The following GRM7 variants were observed in gnomAD, a reference collection of about 807,000 sequenced individuals.
GRM7 encodes glutamate metabotropic receptor 7.
Under a neutral mutation model 84.5 loss-of-function variants are expected in GRM7, and 35 were observed. The ratio of observed to expected loss-of-function variants is 0.41; its 90% CI spans 0.32 to 0.55. The LOEUF is 0.55. Among genes scored for constraint, GRM7 ranks in the 20% least tolerant of loss-of-function variants. The pLI, the probability that GRM7 is intolerant of heterozygous loss-of-function variation, is 0.19. For synonymous variants in GRM7, 487 were observed against 455.1 expected (o/e 1.07, Z -0.89); for missense variants, 1,003 against 1,194.6 (o/e 0.84, Z 2.36).
intron 5 of GRM7, among the ~76,000 whole-genome samples, chr3:7,417,572 A>G (rs1377418935): frequency 6.6e-6 from 1 of 152,138 alleles, no homozygotes; most frequent in Non-Finnish European, 1.5e-5. Context: ...TAGAAAGGGC[A>G]CCCAGATGAG....
At chr3:7,289,097 G>A (rs553110507) in intron 2 of GRM7, among the ~76,000 whole-genome samples, 2 of 152,178 alleles carry the variant, frequency 1.3e-5, no homozygotes, top group South Asian at 4.1e-4. Context: ...GTCCAAGGAT[G>A]CACAGTGGGA....
intron 7 of GRM7, among the ~76,000 whole-genome samples, chr3:7,494,452 T>C (rs1025676623): frequency 1.3e-5 from 2 of 152,228 alleles, no homozygotes; most frequent in Non-Finnish European, 2.9e-5. Flanking sequence ...TTTAGATTTA[T>C]CCTTTTGGAG....
intron 2 of GRM7, among the ~76,000 whole-genome samples, chr3:7,154,247 G>A (rs937446649): frequency 6.6e-6 from 1 of 152,126 alleles, no homozygotes; most frequent in Non-Finnish European, 1.5e-5. Context: ...GTTTCTCTGG[G>A]TTGGAAAGTC....
rs145742463 is a variant in GRM7 at position 7,383,030 on chromosome 3, G to A, written c.1034-31993G>A. ...CCATGTGTTTGTATTGATTTTTCTC[G>A]TGCTCCTTAGCGAGTGATCCTGAAT... is the stretch of plus-strand genomic sequence containing the variant. On this transcript the variant is annotated intron_variant, in intron 4 of 9. Coordinates refer to ENST00000357716, the MANE Select transcript of GRM7 (RefSeq NM_000844.4). Among the ~76,000 whole-genome samples, 457 of 152,128 alleles carry A rather than the reference G, an allele frequency of 3.0e-3. 4 individuals carry two copies. Among genetic ancestry groups the A allele is most frequent in the South Asian group, 0.022 (107 of 4,814 alleles).
At chr3:7,609,788 G>A (rs1389455794) in intron 8 of GRM7, among the ~76,000 whole-genome samples, 1 of 151,980 alleles carries the variant, frequency 6.6e-6, no homozygotes, top group East Asian at 1.9e-4. Context: ...TGGAGTGAGT[G>A]GTAAATTTAA....
At chr3:7,394,020 C>A (rs1293617830) in intron 4 of GRM7, among the ~76,000 whole-genome samples, 1 of 152,062 alleles carries the variant, frequency 6.6e-6, no homozygotes, top group Non-Finnish European at 1.5e-5. Flanking sequence ...CTTTACCATA[C>A]AATTATTATG....
intron 7 of GRM7, among the ~76,000 whole-genome samples, chr3:7,477,329 A>G (rs1698962036): frequency 6.6e-6 from 1 of 152,160 alleles, no homozygotes; most frequent in Non-Finnish European, 1.5e-5. Context: ...CTAAAGCTCC[A>G]TCTTGTCTAA....
intron 1 of GRM7, among the ~76,000 whole-genome samples, chr3:7,048,330 G>C (rs1696873560): frequency 6.6e-6 from 1 of 151,690 alleles, no homozygotes; most frequent in African/African-American, 2.4e-5. Context: ...TTTCTTGGTT[G>C]TTGCAATTTT....
At chr3:7,159,046 A>G (rs1402763349) in intron 2 of GRM7, among the ~76,000 whole-genome samples, 3 of 152,186 alleles carry the variant, frequency 2.0e-5, no homozygotes, top group Non-Finnish European at 1.5e-5. Context: ...TGAAGCTTAC[A>G]CTAATTCTGC....
At chr3:6,947,097 C>G (rs540157686) in intron 1 of GRM7, among the ~76,000 whole-genome samples, 3,355 of 151,790 alleles carry the variant, frequency 0.022, 54 homozygotes, top group Non-Finnish European at 0.032. Context: ...ATGTTGAATA[C>G]GAGTGGTGAG....
chr3:7,530,925 T>A (rs749537168), intron 7 of GRM7, among the ~76,000 whole-genome samples: 11 of 152,216 alleles, frequency 7.2e-5, no homozygotes, highest in Non-Finnish European at 1.0e-4. Flanking sequence ...TAGTTTCTTC[T>A]GCTGTGTAGA....
intron 8 of GRM7, among the ~76,000 whole-genome samples, chr3:7,679,697 C>T (rs1433219109): frequency 6.6e-6 from 1 of 152,134 alleles, no homozygotes; most frequent in Non-Finnish European, 1.5e-5. Flanking sequence ...TAAAACCTAA[C>T]CACACCTTAA....
intron 2 of GRM7, among the ~76,000 whole-genome samples, chr3:7,237,167 C>T (rs1697375809): frequency 6.6e-6 from 1 of 152,130 alleles, no homozygotes; most frequent in Non-Finnish European, 1.5e-5. Flanking sequence ...GTCATTGTGG[C>T]AGTGCCAGAA....
chr3:7,466,804 T>C (rs1174124331), intron 7 of GRM7, among the ~76,000 whole-genome samples: 10 of 152,142 alleles, frequency 6.6e-5, no homozygotes, highest in Non-Finnish European at 1.5e-4. Flanking sequence ...TAGACCAACT[T>C]TCTGATCTTC....
At chr3:7,596,942 A>C (rs1575537241) in intron 8 of GRM7, among the ~76,000 whole-genome samples, 1 of 152,182 alleles carries the variant, frequency 6.6e-6, no homozygotes, top group East Asian at 1.9e-4. Context: ...GGAAACTTAA[A>C]AGTTCAGAAG....
At chr3:7,663,341 T>G (rs1392462435) in intron 8 of GRM7, among the ~76,000 whole-genome samples, 1 of 152,144 alleles carries the variant, frequency 6.6e-6, no homozygotes, top group Non-Finnish European at 1.5e-5. Context: ...TACCAGTATA[T>G]CCTAGTCATT....
chr3:7,099,086 T>C (rs1698958514), intron 1 of GRM7, among the ~76,000 whole-genome samples: 1 of 151,638 alleles, frequency 6.6e-6, no homozygotes, highest in African/African-American at 2.4e-5. Context: ...GTTTCAGGCA[T>C]AATGTTCTTT....
intron 8 of GRM7, among the ~76,000 whole-genome samples, chr3:7,631,211 C>T (rs1173833814): frequency 6.6e-6 from 1 of 152,182 alleles, no homozygotes; most frequent in African/African-American, 2.4e-5. Context: ...TTTGTACTTT[C>T]TCTTTATGCC....
At chr3:7,376,272 G>C (rs1277861452) in intron 4 of GRM7, among the ~76,000 whole-genome samples, 1 of 152,104 alleles carries the variant, frequency 6.6e-6, no homozygotes, top group Non-Finnish European at 1.5e-5. Flanking sequence ...TCTCCTCTCT[G>C]TATTCTCACT....
Sources: gnomAD v4.1 joint callset for allele counts (sites outside exome capture counted in the v4.1 genomes callset) on GRCh38, gnomAD v4.1.1 for gene constraint, MANE v1.5 for transcripts, NCBI Gene and HGNC (gene_info 2026-07-23, HGNC 2026-07-21) for gene names.